DOK5: variants seen among roughly 807,000 people sequenced by gnomAD.
The protein encoded by DOK5 is docking protein 5, also known as downstream of tyrosine kinase 5.
Under a neutral mutation model 43.3 loss-of-function variants are expected in DOK5, and 27 were observed. The observed-to-expected ratio is 0.62, with a 90% CI of 0.46 to 0.86. DOK5 has a LOEUF of 0.86. Ranked by LOEUF, DOK5 falls within the 40% of genes least tolerant of loss-of-function variation. The probability of loss-of-function intolerance (pLI) is 0.00; values close to 1 mark genes in which losing one functional copy is unlikely to be tolerated. For missense variants in DOK5, 373 were observed against 392.9 expected (o/e 0.95, Z 0.43); for synonymous variants, 146 against 140.1 (o/e 1.04, Z -0.30).
intron 5 of DOK5, among the ~76,000 whole-genome samples, chr20:54,597,998 G>T (rs1254217827): frequency 6.6e-6 from 1 of 151,972 alleles, no homozygotes; most frequent in Non-Finnish European, 1.5e-5. Flanking sequence ...CCTGAGCTGC[G>T]CACTGGGGTA....
chr20:54,615,509 G>T (rs991232047), intron 6 of DOK5, among the ~76,000 whole-genome samples: 2 of 152,158 alleles, frequency 1.3e-5, no homozygotes, highest in African/African-American at 4.8e-5. Context: ...GAGAGACAGA[G>T]ATAGAGAAGG....
At chr20:54,490,266 A>AT (rs1255354833) in intron 1 of DOK5, among the ~76,000 whole-genome samples, 1 of 152,290 alleles carries the variant, frequency 6.6e-6, no homozygotes, top group Admixed American at 6.5e-5. Flanking sequence ...CTGTTACTGT[A>AT]TTTTTTCTCT....
chr20:54,489,352 C>A (rs1472892676), intron 1 of DOK5, among the ~76,000 whole-genome samples: 1 of 151,964 alleles, frequency 6.6e-6, no homozygotes, highest in Non-Finnish European at 1.5e-5. Context: ...CAGAAGCAAC[C>A]ACTGTGAATA....
chr20:54,615,096 T>C (rs531898208), intron 6 of DOK5, among the ~76,000 whole-genome samples: 1 of 152,334 alleles, frequency 6.6e-6, no homozygotes, highest in South Asian at 2.1e-4. Context: ...ACTCATTGTT[T>C]ACTGTCACTG....
At chr20:54,639,140 A>G (rs1202165580) in intron 6 of DOK5, among the ~76,000 whole-genome samples, 1 of 152,236 alleles carries the variant, frequency 6.6e-6, no homozygotes, top group Non-Finnish European at 1.5e-5. Context: ...AGGAAAAGGT[A>G]CTTACAGACT....
chr20:54,650,480 C>T lies in DOK5; in HGVS notation c.*1C>T. ...TCCAGCCTACAGATCTGAGCACTGA[C>T]AGTAACTGCCAAGAATTGTTAACAC... On this transcript the variant is annotated 3_prime_UTR_variant, in exon 8 of 8. Transcript: ENST00000262593. 6.2e-7 allele frequency: 1 copy of T among 1,613,822 alleles called. No individual in the cohort carries two copies. The highest frequency in any genetic ancestry group is 8.5e-7 in the Non-Finnish European group (1 of 1,179,878).
At chr20:54,489,715 C>G (rs898199312) in intron 1 of DOK5, among the ~76,000 whole-genome samples, 2 of 152,044 alleles carry the variant, frequency 1.3e-5, no homozygotes, top group Non-Finnish European at 2.9e-5. Context: ...TGTGTAAGAA[C>G]CTGGGTTCGA....
At chr20:54,574,908 A>G (rs1300833801) in intron 2 of DOK5, among the ~76,000 whole-genome samples, 2 of 152,208 alleles carry the variant, frequency 1.3e-5, no homozygotes, top group Non-Finnish European at 2.9e-5. Flanking sequence ...TTTACTATAA[A>G]CAGAAATGGC....
intron 1 of DOK5, among the ~76,000 whole-genome samples, chr20:54,523,448 C>T (rs1440563739): frequency 6.6e-6 from 1 of 151,994 alleles, no homozygotes; most frequent in African/African-American, 2.4e-5. Context: ...TGCCTGTTAT[C>T]CCAGCTACTC....
chr20:54,632,864 G>A (rs143027677), intron 6 of DOK5, among the ~76,000 whole-genome samples: 1,613 of 152,252 alleles, frequency 0.011, 27 homozygotes, highest in African/African-American at 0.037. Flanking sequence ...AGCACCTGAG[G>A]TCAGGAGTTT....
chr20:54,516,344 G>A (rs1051423337), intron 1 of DOK5, among the ~76,000 whole-genome samples: 1 of 152,220 alleles, frequency 6.6e-6, no homozygotes, highest in African/African-American at 2.4e-5. Context: ...AAACTGAGCA[G>A]TGTTGTTGAA....
chr20:54,562,219 C>T (rs898991485), intron 2 of DOK5, among the ~76,000 whole-genome samples: 6 of 152,130 alleles, frequency 3.9e-5, no homozygotes, highest in Admixed American at 1.3e-4. Context: ...CAGGCCCTTA[C>T]GGTTCCCAGG....
chr20:54,606,691 C>G (rs571144413), intron 5 of DOK5, among the ~76,000 whole-genome samples: 1 of 152,066 alleles, frequency 6.6e-6, no homozygotes, highest in South Asian at 2.1e-4. Flanking sequence ...GCTTATGAAA[C>G]GGTTCCAAAC....
chr20:54,510,363 A>G (rs1982974047), intron 1 of DOK5, among the ~76,000 whole-genome samples: 1 of 152,138 alleles, frequency 6.6e-6, no homozygotes, highest in African/African-American at 2.4e-5. Flanking sequence ...AAAACAGCTG[A>G]TTTTAATCTT....
At chr20:54,576,160 A>T (rs903274732) in intron 2 of DOK5, among the ~76,000 whole-genome samples, 1 of 152,232 alleles carries the variant, frequency 6.6e-6, no homozygotes, top group South Asian at 2.1e-4. Flanking sequence ...TTGATTTAAC[A>T]TCTATATCAA....
intron 1 of DOK5, among the ~76,000 whole-genome samples, chr20:54,524,749 C>T (rs924416318): frequency 1.1e-4 from 16 of 152,312 alleles, no homozygotes; most frequent in African/African-American, 3.8e-4. Context: ...AATATTCTTC[C>T]TCTCCTAATT....
At chr20:54,533,016 A>G (rs533474066) in intron 1 of DOK5, among the ~76,000 whole-genome samples, 1 of 152,342 alleles carries the variant, frequency 6.6e-6, no homozygotes, top group African/African-American at 2.4e-5. Flanking sequence ...CTTTGGTTGT[A>G]CATTGCCTCA....
At chr20:54,504,079 AG>A (rs1982714666) in intron 1 of DOK5, among the ~76,000 whole-genome samples, 1 of 152,176 alleles carries the variant, frequency 6.6e-6, no homozygotes, top group South Asian at 2.1e-4. Flanking sequence ...GAGTGAGAGT[AG>A]TGTGCACTGC....
At chr20:54,585,179 T>TGCAC (rs1009140340) in intron 2 of DOK5, among the ~76,000 whole-genome samples, 80 of 152,240 alleles carry the variant, frequency 5.3e-4, no homozygotes, top group African/African-American at 1.9e-3. Flanking sequence ...TGTGTGTGTG[T>TGCAC]GCACATGCCC....
Sources: allele counts gnomAD v4.1 joint callset (sites outside exome capture counted in the v4.1 genomes callset), GRCh38; gene constraint gnomAD v4.1.1; transcripts MANE v1.5; gene names NCBI Gene and HGNC (gene_info 2026-07-23, HGNC 2026-07-21).